ATRN: variants seen among roughly 807,000 people sequenced by gnomAD.
The protein encoded by ATRN is attractin, also known as attractin-2.
Under a neutral mutation model 178.7 loss-of-function variants are expected in ATRN, and 54 were observed. The ratio of observed to expected loss-of-function variants is 0.30; its 90% CI spans 0.24 to 0.38. The LOEUF is 0.38. ATRN is among the 10% of genes least tolerant of loss of function. The pLI, the probability that ATRN is intolerant of heterozygous loss-of-function variation, is 1.00. For synonymous variants in ATRN, 636 were observed against 663.0 expected, an observed-to-expected ratio of 0.96 and a Z score of 0.63; for missense variants, 1,443 against 1,815.1, an observed-to-expected ratio of 0.79 and a Z score of 3.73.
At chr20:3,522,515 G>T (rs547606873) in intron 1 of ATRN, among the ~76,000 whole-genome samples, 56 of 152,306 alleles carry the variant, frequency 3.7e-4, no homozygotes, top group Non-Finnish European at 7.8e-4. Flanking sequence ...ATTCCTGCCT[G>T]CCGGCTCTGA....
rs750366901 is a variant in ATRN, at chr20:3,572,939, T to C, written c.2080T>C (p.Phe694Leu). 4 of 1,613,520 alleles carry C rather than the reference T, an allele frequency of 2.5e-6. No individual in the cohort carries two copies. In the African/African-American group the frequency reaches 5.3e-5, roughly 22 times the overall value. The change falls in exon 12 of 29, where the codon TTT becomes CTT. Residue 694 changes from phenylalanine to leucine, a missense_variant. Coordinates refer to ENST00000262919, the MANE Select transcript of ATRN (RefSeq NM_139321.3). ...EQEEKLKSEC[F>L]SKRTLDHDRC... is the part of the protein sequence containing the mutation. ...AGAAGAAAAGTTAAAATCAGAATGT[T>C]TTTCCAAAAGAAGTATGTTTTTTTT...
intron 1 of ATRN, among the ~76,000 whole-genome samples, chr20:3,500,875 A>G (rs1248432478): frequency 6.6e-6 from 1 of 152,128 alleles, no homozygotes; most frequent in Admixed American, 6.6e-5. Flanking sequence ...AAATAAAAAT[A>G]AAAATCAAGT....
rs547586498 is a variant in ATRN at position 3,633,128 on chromosome 20, G to A, written c.3864-1183G>A. Among the ~76,000 whole-genome samples the A allele has an allele frequency of 8.1e-5, 12 of 148,200 alleles. No individual in the cohort carries two copies. The South Asian group carries it at 1.1e-3, about 13-fold the overall frequency. ...CCAGCCTGGGTGACAGAGCGAGACT[G>A]TGTCTCAAAAAAAAGACAATGTAGA... On this transcript the variant is annotated intron_variant, in intron 25 of 28. Coordinates refer to ENST00000262919, the MANE Select transcript of ATRN (RefSeq NM_139321.3).
rs767259312 is a variant in ATRN, at chr20:3,471,040, G to C, written c.-68G>C. 1.9e-5 allele frequency: 27 copies of C among 1,424,344 alleles called. No individual in the cohort carries two copies. Among genetic ancestry groups the C allele is most frequent in the Non-Finnish European group, 2.5e-5 (27 of 1,094,520 alleles). The allele number at this position is 1,424,344 out of a possible 1,614,324, so 88.2% of individuals were successfully genotyped here. A position where few individuals can be genotyped will look rare whatever the true frequency, so the allele number is the denominator to read the frequency against. Reference sequence around the variant, plus strand: ...CGCACAGCCCCGCCCCGCACGGCCAGGCGAAGCGGAGCCGGCCGTGCGGTG... The same window carrying C: ...CGCACAGCCCCGCCCCGCACGGCCACGCGAAGCGGAGCCGGCCGTGCGGTG... On this transcript the variant is annotated 5_prime_UTR_variant, in exon 1 of 29. Coordinates refer to ENST00000262919, the MANE Select transcript of ATRN (RefSeq NM_139321.3).
chr20:3,535,377 T>A (rs370087975), intron 2 of ATRN, 41 bp downstream of exon 2: 1 of 1,146,710 alleles, frequency 8.7e-7, no homozygotes. Flanking sequence ...TTTTTTAGCA[T>A]AGAAGTCAGT....
chr20:3,549,905 C>A (rs2146205087), intron 6 of ATRN, among the ~76,000 whole-genome samples: 1 of 152,316 alleles, frequency 6.6e-6, no homozygotes, highest in Middle Eastern at 3.4e-3. Flanking sequence ...AACCCAGCAT[C>A]TGTTCATTAA....
chr20:3,495,829 A>G (rs1302388895), intron 1 of ATRN, among the ~76,000 whole-genome samples: 1 of 151,944 alleles, frequency 6.6e-6, no homozygotes, highest in Non-Finnish European at 1.5e-5. Flanking sequence ...TTTTTTAAAG[A>G]AAGGGGATCT....
intron 1 of ATRN, among the ~76,000 whole-genome samples, chr20:3,526,272 T>C (rs138176767): frequency 2.0e-4 from 31 of 152,040 alleles, no homozygotes; most frequent in African/African-American, 7.5e-4. Flanking sequence ...TGTGCAAAAA[T>C]TACAAGCACT....
chr20:3,616,264 C>G (rs1600160775), intron 24 of ATRN, among the ~76,000 whole-genome samples: 1 of 152,156 alleles, frequency 6.6e-6, no homozygotes, highest in East Asian at 1.9e-4. Context: ...CTCCTGTGAT[C>G]TCCAGAGCCA....
chr20:3,482,217 G>A lies in ATRN; in HGVS notation c.410+10700G>A, dbSNP rs533224933. Among the ~76,000 whole-genome samples the A allele has an allele frequency of 2.0e-3, 305 of 151,424 alleles. 1 individual carries two copies. The highest frequency in any genetic ancestry group is 7.1e-3 in the African/African-American group (294 of 41,318). ...TTGACCTTACTCTATTTAAAACGTG[G>A]TGCATATATTGTTTCATGTACTTTA... On this transcript the variant is annotated intron_variant, in intron 1 of 28. Transcript: ENST00000262919.
At chr20:3,613,584 G>A (rs2086796317) in intron 24 of ATRN, among the ~76,000 whole-genome samples, 1 of 152,198 alleles carries the variant, frequency 6.6e-6, no homozygotes, top group Admixed American at 6.5e-5. Context: ...GAAGACAGTA[G>A]GGAAATGTCT....
chr20:3,554,845 C>T (rs1352231707), intron 6 of ATRN, among the ~76,000 whole-genome samples: 1 of 152,010 alleles, frequency 6.6e-6, no homozygotes, highest in East Asian at 1.9e-4. Context: ...TACCAAATTT[C>T]CTTCTCTTGA....
chr20:3,504,787 A>G (rs1009176079), intron 1 of ATRN, among the ~76,000 whole-genome samples: 2 of 151,336 alleles, frequency 1.3e-5, no homozygotes, highest in Admixed American at 6.6e-5. Flanking sequence ...TGATGATAGA[A>G]TAAAAAATAT....
intron 22 of ATRN, 53 bp downstream of exon 22, chr20:3,598,053 T>C (rs780211494): frequency 3.5e-5 from 43 of 1,225,438 alleles, no homozygotes; most frequent in Non-Finnish European, 5.2e-5. Context: ...TGGATCTTTT[T>C]CTTGGTCATT....
chr20:3,616,492 C>T (rs1230472967), intron 24 of ATRN, among the ~76,000 whole-genome samples: 1 of 119,810 alleles, frequency 8.3e-6, no homozygotes, highest in Non-Finnish European at 1.7e-5. Flanking sequence ...AGCATGGGGG[C>T]GGGGGAAGGG....
chr20:3,551,378 T>A (rs1342892175), intron 6 of ATRN, among the ~76,000 whole-genome samples: 2 of 152,210 alleles, frequency 1.3e-5, no homozygotes, highest in African/African-American at 4.8e-5. Context: ...AAATTCATGT[T>A]CCAGGGCTCC....
intron 3 of ATRN, among the ~76,000 whole-genome samples, chr20:3,545,003 G>A (rs1182500959): frequency 2.6e-5 from 4 of 152,112 alleles, no homozygotes; most frequent in African/African-American, 9.7e-5. Context: ...CTAAGAAAAT[G>A]CATCAGAATA....
intron 25 of ATRN, among the ~76,000 whole-genome samples, chr20:3,630,190 G>A (rs1737659888): frequency 6.6e-6 from 1 of 152,102 alleles, no homozygotes; most frequent in Admixed American, 6.5e-5. Flanking sequence ...AAATTCCAAG[G>A]GGTAAGCTAA....
chr20:3,572,219 TTTTAATA>T, intron 11 of ATRN, among the ~76,000 whole-genome samples: 1 of 152,308 alleles, frequency 6.6e-6, no homozygotes, highest in East Asian at 1.9e-4. Flanking sequence ...ACATTTTTAT[TTTTAATA>T]TTTAAAAAAT....
Sources: gnomAD v4.1 joint callset for allele counts (sites outside exome capture counted in the v4.1 genomes callset) on GRCh38, gnomAD v4.1.1 for gene constraint, MANE v1.5 for transcripts, NCBI Gene and HGNC (gene_info 2026-07-23, HGNC 2026-07-21) for gene names.